The following NELL1 variants were observed in gnomAD, a reference collection of about 807,000 sequenced individuals.
NELL1 encodes the protein protein kinase C-binding protein NELL1.
A neutral mutation model predicts 107.4 loss-of-function variants in NELL1; 76 were observed. That is an observed-to-expected ratio of 0.71 (90% confidence interval 0.59 to 0.86). NELL1 has a LOEUF of 0.86. Ranked by LOEUF, NELL1 falls within the 40% of genes least tolerant of loss-of-function variation. The pLI is 0.00. For synonymous variants in NELL1, 353 were observed against 341.2 expected (o/e 1.03, Z -0.38); for missense variants, 1,024 against 1,005.5 (o/e 1.02, Z -0.25).
intron 10 of NELL1, among the ~76,000 whole-genome samples, chr11:20,938,940 C>CTGTG (rs1554947463): frequency 2.4e-3 from 140 of 57,378 alleles, no homozygotes; most frequent in Middle Eastern, 0.02. Context: ...CTCTCTCTCT[C>CTGTG]TGTGTGTGTG....
rs1339139556 is a variant in NELL1, at chr11:20,676,249, G to A, written c.56-1683G>A. Reference sequence around the variant, plus strand: ...CTTTTCAACCCCCCTTTCTAAAGTAGGACCCCCCCATCCAAGTTGCTTTCT... The same window carrying A: ...CTTTTCAACCCCCCTTTCTAAAGTAAGACCCCCCCATCCAAGTTGCTTTCT... On this transcript the variant is annotated intron_variant, in intron 1 of 19. Transcript: ENST00000357134. 4.8e-5 allele frequency among the ~76,000 whole-genome samples: 7 copies of A among 147,036 alleles called. No individual in the cohort carries two copies. The Admixed American group carries it at 4.8e-4, about 10-fold the overall frequency.
chr11:21,168,432 G>A (rs1417100118), intron 13 of NELL1, among the ~76,000 whole-genome samples: 1 of 151,732 alleles, frequency 6.6e-6, no homozygotes. Flanking sequence ...AGTTGTTGAA[G>A]TCAGCTATCA....
intron 3 of NELL1, among the ~76,000 whole-genome samples, chr11:20,822,760 G>A (rs986176396): frequency 6.6e-6 from 1 of 152,184 alleles, no homozygotes; most frequent in Non-Finnish European, 1.5e-5. Context: ...GTGGTTACCA[G>A]TGCAGGATGG....
chr11:20,975,996 G>A (rs57539665), intron 12 of NELL1, among the ~76,000 whole-genome samples: 11 of 124,332 alleles, frequency 8.8e-5, no homozygotes, highest in East Asian at 4.9e-4. Flanking sequence ...ACATATATGT[G>A]TATTATATAT....
At chr11:20,906,823 A>G (rs2134140565) in intron 5 of NELL1, among the ~76,000 whole-genome samples, 1 of 152,186 alleles carries the variant, frequency 6.6e-6, no homozygotes, top group South Asian at 2.1e-4. Flanking sequence ...TAAGAAAATG[A>G]GCAACATGTG....
At chr11:21,429,495 G>T (rs1852915076) in intron 15 of NELL1, among the ~76,000 whole-genome samples, 1 of 152,150 alleles carries the variant, frequency 6.6e-6, no homozygotes. Context: ...TGGGCAAAGG[G>T]GCTTCAATCC....
At chr11:21,538,197 A>G (rs1856188444) in intron 16 of NELL1, among the ~76,000 whole-genome samples, 1 of 152,130 alleles carries the variant, frequency 6.6e-6, no homozygotes, top group Non-Finnish European at 1.5e-5. Context: ...ATCATCTAAA[A>G]TGTATCAGTT....
intron 12 of NELL1, among the ~76,000 whole-genome samples, chr11:21,056,827 T>C (rs1017888814): frequency 5.3e-5 from 8 of 152,062 alleles, no homozygotes; most frequent in African/African-American, 1.9e-4. Flanking sequence ...CTAGCACAGA[T>C]AAGGAAACTG....
At chr11:20,798,637 T>G (rs145134739) in intron 3 of NELL1, among the ~76,000 whole-genome samples, 253 of 152,310 alleles carry the variant, frequency 1.7e-3, no homozygotes, top group African/African-American at 5.7e-3. Flanking sequence ...GAAAGATAGA[T>G]TTAACTCCTG....
At chr11:21,330,863 A>G (rs530672521) in intron 14 of NELL1, among the ~76,000 whole-genome samples, 15 of 152,072 alleles carry the variant, frequency 9.9e-5, no homozygotes, top group Non-Finnish European at 1.8e-4. Flanking sequence ...ATATTGGTAC[A>G]ATTAATGGTG....
intron 13 of NELL1, among the ~76,000 whole-genome samples, chr11:21,168,497 A>G (rs58312861): frequency 0.02 from 3,072 of 151,496 alleles, 161 homozygotes; most frequent in African/African-American, 0.069. Context: ...TAACTTCTTC[A>G]TCTATTTTTT....
chr11:21,492,079 G>T (rs1158732786), intron 15 of NELL1, among the ~76,000 whole-genome samples: 1 of 152,096 alleles, frequency 6.6e-6, no homozygotes, highest in East Asian at 1.9e-4. Context: ...CAAAAAGTGG[G>T]TGAAGGAAAT....
intron 12 of NELL1, among the ~76,000 whole-genome samples, chr11:21,095,523 A>C (rs1854620184): frequency 6.6e-6 from 1 of 152,204 alleles, no homozygotes; most frequent in Non-Finnish European, 1.5e-5. Context: ...CAATTTAAAA[A>C]AGAAAGAGGT....
At chr11:20,922,052 C>T (rs1481280559) in intron 7 of NELL1, among the ~76,000 whole-genome samples, 1 of 152,154 alleles carries the variant, frequency 6.6e-6, no homozygotes, top group South Asian at 2.1e-4. Flanking sequence ...AGTTTTCTTT[C>T]TGTGCCTTGA....
At chr11:21,295,084 T>G (rs572258525) in intron 14 of NELL1, among the ~76,000 whole-genome samples, 7 of 152,212 alleles carry the variant, frequency 4.6e-5, no homozygotes, top group Admixed American at 4.6e-4. Flanking sequence ...TTAAAAATAC[T>G]TACCATATGT....
intron 15 of NELL1, among the ~76,000 whole-genome samples, chr11:21,523,089 C>T (rs1303948787): frequency 2.0e-5 from 3 of 151,928 alleles, no homozygotes; most frequent in African/African-American, 4.8e-5. Flanking sequence ...CCTCGTGATC[C>T]GCCCGCCTCG....
At chr11:20,922,221 G>A (rs111985279) in intron 7 of NELL1, among the ~76,000 whole-genome samples, 29 of 151,950 alleles carry the variant, frequency 1.9e-4, no homozygotes, top group African/African-American at 7.0e-4. Flanking sequence ...GGAAGCTCAG[G>A]GGCTCTACAT....
intron 3 of NELL1, among the ~76,000 whole-genome samples, chr11:20,836,676 T>C (rs1266366320): frequency 6.6e-6 from 1 of 151,684 alleles, no homozygotes; most frequent in Non-Finnish European, 1.5e-5. Context: ...TGTTACTAAG[T>C]GAAAGAACCC....
chr11:20,919,723 G>A (rs746115434), intron 7 of NELL1, among the ~76,000 whole-genome samples: 1 of 152,078 alleles, frequency 6.6e-6, no homozygotes, highest in Non-Finnish European at 1.5e-5. Flanking sequence ...TAATCGGAAG[G>A]GGCAAAATAG....
Sources: gnomAD v4.1 joint callset for allele counts (sites outside exome capture counted in the v4.1 genomes callset) on GRCh38, gnomAD v4.1.1 for gene constraint, MANE v1.5 for transcripts, NCBI Gene and HGNC (gene_info 2026-07-23, HGNC 2026-07-21) for gene names.